The following GNL3L variants were observed in gnomAD, a reference collection of about 807,000 sequenced individuals.
GNL3L encodes guanine nucleotide-binding protein-like 3-like protein.
GNL3L carries 4 observed loss-of-function variants against 42.9 expected under a neutral mutation model. The ratio of observed to expected loss-of-function variants is 0.09; its 90% CI spans 0.05 to 0.21. The LOEUF is 0.21. GNL3L is among the 10% of genes least tolerant of loss of function. The pLI, the probability that GNL3L is intolerant of heterozygous loss-of-function variation, is 1.00. For synonymous variants in GNL3L, 159 were observed against 176.3 expected, an observed-to-expected ratio of 0.90 and a Z score of 0.78; for missense variants, 412 against 481.7, an observed-to-expected ratio of 0.86 and a Z score of 1.36.
Position 54,551,262 on chromosome X carries a change from T to C in GNL3L, c.863+212T>C, listed in dbSNP as rs145974851. Among the ~76,000 whole-genome samples the C allele has an allele frequency of 5.2e-3, 590 of 112,505 alleles. 7 individuals are homozygous for C. The highest frequency in any genetic ancestry group is 0.018 in the African/African-American group (565 of 31,032). On this transcript the variant is annotated intron_variant, in intron 10 of 15. Coordinates refer to ENST00000360845, the MANE Select transcript of GNL3L (RefSeq NM_001184819.2). Reference sequence around the variant, plus strand: ...GTGGTTCCCATTAGCGCCTTGAAGCTTCTGAATAACGATGCAAGATTGGGC... The same window carrying C: ...GTGGTTCCCATTAGCGCCTTGAAGCCTCTGAATAACGATGCAAGATTGGGC...
chrX:54,628,999 T>TTA, the GNL3L span, among the ~76,000 whole-genome samples: 21 of 104,173 alleles, frequency 2.0e-4, no homozygotes, highest in African/African-American at 2.8e-4. Flanking sequence ...TATATAAAAA[T>TTA]TATATATATA....
At chrX:54,554,105 A>T (rs1925017555) in intron 13 of GNL3L, among the ~76,000 whole-genome samples, 1 of 110,654 alleles carries the variant, frequency 9.0e-6, no homozygotes, top group Non-Finnish European at 1.9e-5. Flanking sequence ...TAGGGGCAAA[A>T]TTATAGAAGC....
chrX:54,638,161 G>A, the GNL3L span, among the ~76,000 whole-genome samples: 1 of 110,986 alleles, frequency 9.0e-6, no homozygotes, highest in Non-Finnish European at 1.9e-5. Flanking sequence ...TATTGTTTGG[G>A]CTGTGAAGTC....
In GNL3L at chrX:54,540,181, C is replaced by T. The variant is rs1367844055; in HGVS notation, c.128C>T (p.Ala43Val). 8.3e-7 allele frequency: 1 copy of T among 1,208,915 alleles called. No individual in the cohort carries two copies. The highest frequency in any genetic ancestry group is 1.1e-6 in the Non-Finnish European group (1 of 892,990). The change falls in exon 4 of 16, where the codon GCA (alanine) becomes GTA (valine). Residue 43 changes from alanine (A) to valine (V), a missense_variant. By Grantham distance (64) the Ala-to-Val change is moderately conservative. Transcript: ENST00000360845. ...GKKATSKVPS[A>V]PHFVHPNDHA... The stretch of plus-strand genomic sequence containing the variant: ...AAAGCAACCTCCAAAGTGCCCTCTG[C>T]ACCTCATTTTGTTCACCCCAATGAT...
At chrX:54,547,045 G>C (rs1444665373) in intron 8 of GNL3L, among the ~76,000 whole-genome samples, 1 of 95,682 alleles carries the variant, frequency 1.0e-5, no homozygotes, top group African/African-American at 4.0e-5. Context: ...CTCCCAGGCT[G>C]GGGTGCACTG....
At chrX:54,630,701 T>TTCCTTCCTTCCTTCCTTC in the GNL3L span, among the ~76,000 whole-genome samples, 198 of 20,582 alleles carry the variant, frequency 9.6e-3, 4 homozygotes, top group Middle Eastern at 0.029. Context: ...TTCCTTCCTT[T>TTCCTTCCTTCCTTCCTTC]CTTTCTTTTT....
chrX:54,573,141 G>A (rs1925581822), intron 16 of GNL3L, among the ~76,000 whole-genome samples: 1 of 111,990 alleles, frequency 8.9e-6, no homozygotes. Flanking sequence ...TCCCAGACGG[G>A]GTGGCGGCCG....
chrX:54,572,834 C>T (rs1207867951), intron 16 of GNL3L, among the ~76,000 whole-genome samples: 3 of 105,470 alleles, frequency 2.8e-5, no homozygotes, highest in African/African-American at 7.0e-5. Flanking sequence ...TCAGGCGGGG[C>T]GGCCGGGCAG....
intron 16 of GNL3L, among the ~76,000 whole-genome samples, chrX:54,613,196 C>T (rs1757947954): frequency 9.0e-6 from 1 of 111,454 alleles, no homozygotes; most frequent in South Asian, 3.8e-4. Context: ...CTCTGAATTT[C>T]TCTCTTCTAC....
rs1925345847 is a variant in GNL3L, at chrX:54,563,959, A to G, written c.*3357A>G. 9.0e-6 allele frequency among the ~76,000 whole-genome samples: 1 copy of G among 111,398 alleles called. No homozygotes were observed. The highest frequency in any genetic ancestry group is 9.6e-5 in the Admixed American group (1 of 10,413). On this transcript the variant is annotated 3_prime_UTR_variant, in exon 16 of 16. Transcript: ENST00000360845. ...AAGTTCACTCTTTATAGTTTTAGTT[A>G]TGTGAGTTTGTACAAACATATACAG...
intron 16 of GNL3L, among the ~76,000 whole-genome samples, chrX:54,579,852 A>G (rs1451882785): frequency 9.1e-6 from 1 of 110,491 alleles, no homozygotes; most frequent in East Asian, 2.9e-4. Flanking sequence ...TAATTTTTGT[A>G]TTTTTAGTAG....
chrX:54,557,146 CACTCCATCCTGGGCAACAGAGCGAA>C (rs1224519626), intron 14 of GNL3L, among the ~76,000 whole-genome samples: 2 of 108,780 alleles, frequency 1.8e-5, no homozygotes, highest in South Asian at 4.1e-4. Context: ...CATACCACTG[CACTCCATCCTGGGCAACAGAGCGAA>C]ACTCCATCTC....
Position 54,609,072 on chromosome X carries a change from T to C in GNL3L, c.*46-11773T>C, listed in dbSNP as rs188826221. Reference sequence around the variant, plus strand: ...CTTGCAGGAGTAAGGCAGTATCTCATTGTGGTTTTGATTTGCATTTCCCTG... The same window carrying C: ...CTTGCAGGAGTAAGGCAGTATCTCACTGTGGTTTTGATTTGCATTTCCCTG... On this transcript the variant is annotated intron_variant, in intron 16 of 16. Coordinates refer to the GNL3L transcript ENST00000674498. Among the ~76,000 whole-genome samples the C allele has an allele frequency of 6.8e-4, 76 of 112,238 alleles. 1 individual carries two copies. The Admixed American group carries it at 7.0e-3, about 10-fold the overall frequency.
At chrX:54,547,185 C>T (rs1044992474) in intron 8 of GNL3L, among the ~76,000 whole-genome samples, 2 of 107,276 alleles carry the variant, frequency 1.9e-5, no homozygotes, top group Non-Finnish European at 1.9e-5. Context: ...TTAGTAGAGA[C>T]GTGGTTTTGC....
intron 16 of GNL3L, among the ~76,000 whole-genome samples, chrX:54,592,873 A>G (rs1468546305): frequency 1.8e-5 from 2 of 111,216 alleles, no homozygotes; most frequent in African/African-American, 6.5e-5. Flanking sequence ...ACATCGATTG[A>G]AATGATTATG....
rs149091373 is a variant in GNL3L at position 54,586,156 on chromosome X, G to A, written c.*45+25509G>A. Among the ~76,000 whole-genome samples the A allele has an allele frequency of 7.2e-5, 8 of 111,213 alleles. No homozygotes were observed. The South Asian group carries it at 3.1e-3, about 42-fold the overall frequency. On this transcript the variant is annotated intron_variant, in intron 16 of 16. Transcript: ENST00000674498. Reference sequence around the variant, plus strand: ...GAGAAGGAAATGAAGCATCCTGCTGGGCCAAGATCACCTTGGATCTGGGGG... The same window carrying A: ...GAGAAGGAAATGAAGCATCCTGCTGAGCCAAGATCACCTTGGATCTGGGGG...
At chrX:54,571,139 C>T (rs2147507981), downstream of GNL3L, among the ~76,000 whole-genome samples, 1 of 109,995 alleles carries the variant, frequency 9.1e-6, no homozygotes, top group South Asian at 3.8e-4. Context: ...TTCAGTACCT[C>T]AAAAGCATTG....
At chrX:54,546,130 A>C (rs1331834361) in intron 8 of GNL3L, among the ~76,000 whole-genome samples, 5 of 112,524 alleles carry the variant, frequency 4.4e-5, no homozygotes. Flanking sequence ...CAAAGTGCGG[A>C]GATTACAGGC....
intron 16 of GNL3L, among the ~76,000 whole-genome samples, chrX:54,617,557 T>C (rs1397777349): frequency 8.9e-6 from 1 of 112,135 alleles, no homozygotes; most frequent in Non-Finnish European, 1.9e-5. Flanking sequence ...TTTCAGAAAC[T>C]TCTCTGGTTG....
Sources: gnomAD v4.1 joint callset for allele counts (sites outside exome capture counted in the v4.1 genomes callset) on GRCh38, gnomAD v4.1.1 for gene constraint, MANE v1.5 for transcripts, NCBI Gene and HGNC (gene_info 2026-07-23, HGNC 2026-07-21) for gene names.